The following SLIT1 variants were observed in gnomAD, a reference collection of about 807,000 sequenced individuals.
SLIT1 encodes the protein slit guidance ligand 1, also known as slit homolog 1 protein.
SLIT1 carries 66 observed loss-of-function variants against 186.1 expected under a neutral mutation model. The ratio of observed to expected loss-of-function variants is 0.35; its 90% CI spans 0.29 to 0.44. The LOEUF (loss-of-function observed/expected upper bound fraction) is 0.44, where lower values mean the gene tolerates loss of function less well. Ranked by LOEUF, SLIT1 falls within the 20% of genes least tolerant of loss-of-function variation. The pLI is 1.00. For missense variants in SLIT1, 1,638 were observed against 2,037.4 expected (o/e 0.80, Z 3.77); for synonymous variants, 761 against 833.8 (o/e 0.91, Z 1.50).
chr10:97,060,390 T>G (rs535541758), intron 9 of SLIT1, among the ~76,000 whole-genome samples: 8 of 152,364 alleles, frequency 5.3e-5, no homozygotes, highest in African/African-American at 1.9e-4. Context: ...CAAATGATGC[T>G]GAGAACCTGA....
chr10:97,006,429 C>CCAGT lies in SLIT1; in HGVS notation c.3579+53_3579+54insACTG. The CCAGT allele has an allele frequency of 7.7e-7, 1 of 1,295,476 alleles. No individual in the cohort carries two copies. The allele number at this position is 1,295,476 out of a possible 1,614,324, so 80.2% of individuals were successfully genotyped here. On this transcript the variant is annotated intron_variant, in intron 32 of 36. Transcript: ENST00000266058. This position sits in a 1 kb window ranked among gnomAD's most constrained non-coding sequence, Gnocchi z 4.0. ...ATGTATCCTGATGCTCTGGCCTAAG[C>CCAGT]CAGGGTCGCCTGCTCCCTGACTCCC...
Position 97,004,051 on chromosome 10 carries a change from C to A in SLIT1, c.3865+17G>T. 1.3e-6 allele frequency: 2 copies of A among 1,593,076 alleles called. No individual in the cohort carries two copies. Among genetic ancestry groups the A allele is most frequent in the Non-Finnish European group, 1.7e-6 (2 of 1,163,726 alleles). On this transcript the variant is annotated intron_variant, in intron 34 of 36. Coordinates refer to ENST00000266058, the MANE Select transcript of SLIT1 (RefSeq NM_003061.3). The surrounding 1 kb of genome is among the most constrained non-coding windows in gnomAD (Gnocchi z 5.1). Reference sequence around the variant, plus strand: ...GGCCAGACAGCAAAAGAGGCCCCGCCAGGGCCAGGTCCTCACCTCCCACAT... The same window carrying A: ...GGCCAGACAGCAAAAGAGGCCCCGCAAGGGCCAGGTCCTCACCTCCCACAT...
chr10:97,015,741 T>C (rs1175691308), intron 28 of SLIT1, among the ~76,000 whole-genome samples: 1 of 152,224 alleles, frequency 6.6e-6, no homozygotes, highest in Non-Finnish European at 1.5e-5. Flanking sequence ...CGAATTATTG[T>C]AGGGATAACT....
chr10:97,064,129 G>A, intron 7 of SLIT1, 39 bp downstream of exon 7: 2 of 1,556,020 alleles, frequency 1.3e-6, no homozygotes, highest in Non-Finnish European at 1.8e-6. Context: ...CATCAACCGG[G>A]CTTGGCTGCC....
chr10:97,031,525 G>A (rs895210273), intron 24 of SLIT1, 81 bp downstream of exon 24: 17 of 1,130,366 alleles, frequency 1.5e-5, no homozygotes, highest in Non-Finnish European at 2.2e-5. Context: ...CTAGACATGG[G>A]AACATTTCTG....
intron 30 of SLIT1, among the ~76,000 whole-genome samples, chr10:97,011,769 G>T (rs1848412810): frequency 6.6e-6 from 1 of 152,052 alleles, no homozygotes; most frequent in South Asian, 2.1e-4. Context: ...CTGTCCTACA[G>T]ACCTCCTGCT....
At position 97,185,708 on chromosome 10, in the gene SLIT1, C is replaced by A. The variant is rs918335957; in HGVS notation, c.-34G>T. 20 of 1,452,750 alleles carry A rather than the reference C, an allele frequency of 1.4e-5. No individual in the cohort carries two copies. In the Admixed American group the frequency reaches 2.0e-4, roughly 15 times the overall value. The allele number at this position is 1,452,750 out of a possible 1,614,324, so 90.0% of individuals were successfully genotyped here. A position where few individuals can be genotyped will look rare whatever the true frequency, so the allele number is the denominator to read the frequency against. ...CACAGCGTCCCGCTCGCGAGCCAGA[C>A]GGCAGCAGCCGCTGACCATCCCCGT... is the stretch of plus-strand genomic sequence containing the variant. On this transcript the variant is annotated 5_prime_UTR_variant, in exon 1 of 37. Coordinates refer to ENST00000266058, the MANE Select transcript of SLIT1 (RefSeq NM_003061.3).
chr10:97,112,284 AC>A (rs1364396401), intron 4 of SLIT1, among the ~76,000 whole-genome samples: 1 of 150,890 alleles, frequency 6.6e-6, no homozygotes, highest in Non-Finnish European at 1.5e-5. Flanking sequence ...GGCATCCACC[AC>A]TCCCTGACAG....
intron 4 of SLIT1, among the ~76,000 whole-genome samples, chr10:97,146,822 C>A (rs1849823362): frequency 6.6e-6 from 1 of 152,128 alleles, no homozygotes; most frequent in Non-Finnish European, 1.5e-5. Context: ...TGTCTGCCAC[C>A]AGAAAGAAAC....
At chr10:97,173,745 C>T (rs1048261031) in intron 1 of SLIT1, among the ~76,000 whole-genome samples, 5 of 152,040 alleles carry the variant, frequency 3.3e-5, no homozygotes, top group South Asian at 2.1e-4. Flanking sequence ...GATCCCTGAG[C>T]GCAGCTGCAA....
chr10:97,096,344 C>A (rs1298839097), intron 4 of SLIT1, among the ~76,000 whole-genome samples: 1 of 152,158 alleles, frequency 6.6e-6, no homozygotes, highest in Non-Finnish European at 1.5e-5. Flanking sequence ...TTGCCAGAAA[C>A]TAGGCTTGAC....
intron 4 of SLIT1, among the ~76,000 whole-genome samples, chr10:97,108,886 CAAAAAAAAAAAA>C (rs11355026): frequency 3.0e-4 from 14 of 46,766 alleles, no homozygotes; most frequent in African/African-American, 6.4e-4. Context: ...GTCTCAGTCT[CAAAAAAAAAAAA>C]AAAAAAAAAA....
chr10:97,144,278 G>T (rs1391775891), intron 4 of SLIT1, among the ~76,000 whole-genome samples: 1 of 152,104 alleles, frequency 6.6e-6, no homozygotes, highest in East Asian at 1.9e-4. Flanking sequence ...GTATCCAGGG[G>T]TTTATTTCTT....
intron 28 of SLIT1, among the ~76,000 whole-genome samples, chr10:97,015,711 A>G (rs1300249436): frequency 1.3e-5 from 2 of 152,248 alleles, no homozygotes; most frequent in Non-Finnish European, 2.9e-5. Flanking sequence ...ATCCAATTCT[A>G]TAATACAGTT....
intron 1 of SLIT1, among the ~76,000 whole-genome samples, chr10:97,167,982 C>A (rs911582830): frequency 6.6e-6 from 1 of 152,154 alleles, no homozygotes; most frequent in Non-Finnish European, 1.5e-5. Context: ...TACCCAGTCT[C>A]GGGTATGTCT....
intron 4 of SLIT1, among the ~76,000 whole-genome samples, chr10:97,132,474 C>A (rs112336552): frequency 6.6e-6 from 1 of 152,212 alleles, no homozygotes; most frequent in Admixed American, 6.5e-5. Flanking sequence ...AGGTGCCTGT[C>A]CACAGTCCAA....
At chr10:97,035,203 G>T (rs2134614098) in intron 22 of SLIT1, among the ~76,000 whole-genome samples, 1 of 152,308 alleles carries the variant, frequency 6.6e-6, no homozygotes, top group South Asian at 2.1e-4. Flanking sequence ...TGCCTCCTCA[G>T]TCTCTGGTAG....
intron 1 of SLIT1, among the ~76,000 whole-genome samples, chr10:97,167,129 C>T (rs1386738031): frequency 6.6e-6 from 1 of 152,186 alleles, no homozygotes; most frequent in East Asian, 1.9e-4. Context: ...TGGTGAGAGT[C>T]CCTGACTGAG....
At chr10:97,037,827 G>T in intron 21 of SLIT1, 61 bp from the exon 22 acceptor site, 1 of 1,419,986 alleles carries the variant, frequency 7.0e-7, no homozygotes, top group South Asian at 1.2e-5. Flanking sequence ...CCCCATGCTG[G>T]GGACAGCCTT....
Sources: gnomAD v4.1 joint callset for allele counts (sites outside exome capture counted in the v4.1 genomes callset) on GRCh38, gnomAD v4.1.1 for gene constraint, Gnocchi (gnomAD v3.1) non-coding constraint, MANE v1.5 for transcripts, NCBI Gene and HGNC (gene_info 2026-07-23, HGNC 2026-07-21) for gene names.